The following TPRG1 variants were observed in gnomAD, a reference collection of about 807,000 sequenced individuals.
The protein encoded by TPRG1 is tumor protein p63-regulated gene 1 protein.
TPRG1 carries 29 observed loss-of-function variants against 29.3 expected under a neutral mutation model. The ratio of observed to expected loss-of-function variants is 0.99; its 90% CI spans 0.74 to 1.35. The LOEUF is 1.35. Among genes scored for constraint, TPRG1 ranks in the 40% most tolerant of loss-of-function variants. TPRG1 has a pLI of 0.00. For missense variants in TPRG1, 327 were observed against 335.0 expected, an observed-to-expected ratio of 0.98 and a Z score of 0.19; for synonymous variants, 130 against 116.8, an observed-to-expected ratio of 1.11 and a Z score of -0.73.
intron 1 of TPRG1, among the ~76,000 whole-genome samples, chr3:189,111,003 T>C (rs1447990468): frequency 6.6e-6 from 1 of 151,912 alleles, no homozygotes; most frequent in Non-Finnish European, 1.5e-5. Context: ...AGTTAAGTAG[T>C]ATGAGTCTTC....
chr3:189,057,829 C>T (rs1578259089), intron 4 of TPRG1, among the ~76,000 whole-genome samples: 1 of 120,524 alleles, frequency 8.3e-6, no homozygotes. Context: ...TATATATATA[C>T]ACACATATGT....
chr3:189,316,983 C>T (rs1723642900), intron 5 of TPRG1, among the ~76,000 whole-genome samples: 1 of 152,136 alleles, frequency 6.6e-6, no homozygotes, highest in Admixed American at 6.6e-5. Flanking sequence ...CCTCCCCTGG[C>T]TTTGAAGGGG....
chr3:189,291,721 AGT>A (rs987047371), intron 4 of TPRG1, among the ~76,000 whole-genome samples: 115 of 152,360 alleles, frequency 7.5e-4, no homozygotes, highest in African/African-American at 2.7e-3. Context: ...TTATTTGCAT[AGT>A]GCTTTGTTTA....
chr3:189,046,539 A>G (rs1377217407), intron 4 of TPRG1, among the ~76,000 whole-genome samples: 1 of 152,222 alleles, frequency 6.6e-6, no homozygotes, highest in African/African-American at 2.4e-5. Flanking sequence ...AATACAGTGA[A>G]AGGGGAATGA....
intron 4 of TPRG1, among the ~76,000 whole-genome samples, chr3:189,027,420 AC>A (rs1713719337): frequency 6.6e-6 from 1 of 152,216 alleles, no homozygotes; most frequent in Admixed American, 6.5e-5. Context: ...GAAAGTCAGA[AC>A]TATGCTGAAA....
chr3:189,142,174 G>GTT (rs1263529259), intron 3 of TPRG1, among the ~76,000 whole-genome samples: 1 of 152,144 alleles, frequency 6.6e-6, no homozygotes, highest in African/African-American at 2.4e-5. Context: ...CAGAGGACGC[G>GTT]TCCAGGTCTG....
At chr3:189,314,625 C>T (rs1723199818) in intron 5 of TPRG1, among the ~76,000 whole-genome samples, 1 of 152,042 alleles carries the variant, frequency 6.6e-6, no homozygotes, top group Admixed American at 6.6e-5. Context: ...TTGTGTTACT[C>T]ATATAAAACA....
chr3:189,044,326 G>C (rs1020065723), intron 4 of TPRG1, among the ~76,000 whole-genome samples: 4 of 152,130 alleles, frequency 2.6e-5, no homozygotes, highest in African/African-American at 9.7e-5. Context: ...AAGCCGAGGT[G>C]GGTGGATCAC....
chr3:189,151,495 A>T (rs1725927914), intron 5 of TPRG1, among the ~76,000 whole-genome samples: 1 of 151,820 alleles, frequency 6.6e-6, no homozygotes, highest in Admixed American at 6.6e-5. Flanking sequence ...AGGCCATTAA[A>T]CTCCTTTGGT....
intron 3 of TPRG1, among the ~76,000 whole-genome samples, chr3:189,231,806 T>A (rs1738697195): frequency 6.6e-6 from 1 of 152,204 alleles, no homozygotes; most frequent in Non-Finnish European, 1.5e-5. Context: ...AGAGATGATA[T>A]GTGCATAGCT....
At chr3:189,206,278 A>T (rs1418030307) in intron 1 of TPRG1, among the ~76,000 whole-genome samples, 1 of 151,648 alleles carries the variant, frequency 6.6e-6, no homozygotes, top group East Asian at 1.9e-4. Flanking sequence ...ATACACTCAC[A>T]CTTTCAGTGA....
intron 1 of TPRG1, among the ~76,000 whole-genome samples, chr3:189,190,723 C>A (rs1486141295): frequency 6.6e-6 from 1 of 152,064 alleles, no homozygotes; most frequent in Non-Finnish European, 1.5e-5. Flanking sequence ...CATCAATGTG[C>A]ATATTTTTAT....
chr3:189,004,614 A>G (rs557452761), exon 3 of TPRG1: 1 of 152,214 alleles, frequency 6.6e-6, no homozygotes, highest in East Asian at 1.9e-4. Flanking sequence ...GCACCACAGA[A>G]CCCTGAATGA....
At chr3:189,066,545 A>G (rs1032330968) in intron 4 of TPRG1, among the ~76,000 whole-genome samples, 3 of 152,158 alleles carry the variant, frequency 2.0e-5, no homozygotes, top group African/African-American at 7.2e-5. Context: ...GATACATCAT[A>G]TCAGCAGAAT....
chr3:189,129,321 G>A (rs1427888525), intron 2 of TPRG1, among the ~76,000 whole-genome samples: 6 of 151,998 alleles, frequency 3.9e-5, no homozygotes, highest in Non-Finnish European at 8.8e-5. Flanking sequence ...ATCTTTTCTT[G>A]GGACTATACT....
At chr3:189,078,114 TTTCTTTCTTTCTTTCTTTCTTTCCTTTC>T (rs1443575726) in intron 4 of TPRG1, among the ~76,000 whole-genome samples, 11 of 145,268 alleles carry the variant, frequency 7.6e-5, no homozygotes, top group African/African-American at 2.9e-4. Flanking sequence ...TCTTTCTTTC[TTTCTTTCTTTCTTTCTTTCTTTCCTTTC>T]TTTTTTTTTT....
intron 4 of TPRG1, among the ~76,000 whole-genome samples, chr3:189,094,509 G>C (rs1276329414): frequency 1.3e-5 from 2 of 152,182 alleles, no homozygotes; most frequent in African/African-American, 4.8e-5. Flanking sequence ...CAGGTTGTCA[G>C]AACTGCTTCA....
chr3:189,264,947 G>A (rs1041446565), intron 4 of TPRG1, among the ~76,000 whole-genome samples: 1 of 152,170 alleles, frequency 6.6e-6, no homozygotes, highest in Non-Finnish European at 1.5e-5. Context: ...ATTGTAAACA[G>A]TGCTAGATCA....
chr3:189,290,190 T>C (rs2109196077), intron 4 of TPRG1, among the ~76,000 whole-genome samples: 1 of 152,320 alleles, frequency 6.6e-6, no homozygotes. Context: ...CTAATCTACT[T>C]TTCTATTCTA....
Sources: allele counts gnomAD v4.1 joint callset (sites outside exome capture counted in the v4.1 genomes callset), GRCh38; gene constraint gnomAD v4.1.1; transcripts MANE v1.5; gene names NCBI Gene and HGNC (gene_info 2026-07-23, HGNC 2026-07-21).